The following CCS variants were observed in gnomAD, a reference collection of about 807,000 sequenced individuals.
CCS encodes the protein superoxide dismutase copper chaperone.
In CCS, 32 loss-of-function variants were observed where a neutral mutation model predicts 35.5. The ratio of observed to expected loss-of-function variants is 0.90; its 90% CI spans 0.68 to 1.21. The LOEUF (loss-of-function observed/expected upper bound fraction) is 1.21. CCS is among the 50% of genes most tolerant of loss of function. The pLI, the probability that CCS is intolerant of heterozygous loss-of-function variation, is 0.00. For missense variants in CCS, 342 were observed against 375.4 expected, an observed-to-expected ratio of 0.91 and a Z score of 0.73; for synonymous variants, 130 against 147.2, an observed-to-expected ratio of 0.88 and a Z score of 0.84.
intron 2 of CCS, among the ~76,000 whole-genome samples, chr11:66,594,818 G>A (rs1858447778): frequency 6.6e-6 from 1 of 151,908 alleles, no homozygotes; most frequent in African/African-American, 2.4e-5. Flanking sequence ...TCATTCGGCA[G>A]GTATGGACCA....
Position 66,593,195 on chromosome 11 carries a change from A to G in CCS, c.-67A>G. ...TGGCTTTAGAGGCTCAGTCCCCGCG[A>G]CGCCGCGCTGGTTGGTGCTCCTGCG... On this transcript the variant is annotated 5_prime_UTR_variant, in exon 1 of 8. Coordinates refer to ENST00000533244, the MANE Select transcript of CCS (RefSeq NM_005125.2). The G allele has an allele frequency of 1.9e-5, 29 of 1,529,094 alleles. No homozygotes were observed. The highest frequency in any genetic ancestry group is 2.5e-5 in the Non-Finnish European group (28 of 1,129,874). 94.7% of individuals were successfully genotyped at this position (1,529,094 alleles called of 1,614,324 possible).
At chr11:66,604,052 A>T (rs1143915) in intron 5 of CCS, among the ~76,000 whole-genome samples, 104,020 of 137,698 alleles carry the variant, frequency 0.76, 38,330 homozygotes, top group East Asian at 0.87. Context: ...ATAAATAAAT[A>T]AATTAATTAA....
chr11:66,599,528 A>C lies in CCS; in HGVS notation c.320A>C (p.Gln107Pro). Residue 107 changes from glutamine (Q) to proline (P), a missense_variant, in exon 4 of 8, where the codon CAG becomes CCG. Coordinates refer to ENST00000533244, the MANE Select transcript of CCS (RefSeq NM_005125.2). ...GTVQGVVRFL[Q>P]LTPERCLIEG... Reference sequence around the variant, plus strand: ...GTGCAGGGGGTGGTGCGCTTCCTACAGCTGACCCCTGAGCGCTGCCTCATC... The same window carrying C: ...GTGCAGGGGGTGGTGCGCTTCCTACCGCTGACCCCTGAGCGCTGCCTCATC... The C allele has an allele frequency of 6.3e-7, 1 of 1,594,576 alleles. No homozygotes were observed. Among genetic ancestry groups the C allele is most frequent in the Non-Finnish European group, 8.5e-7 (1 of 1,172,144 alleles).
Position 66,605,775 on chromosome 11 carries a change from C to T in CCS, c.745C>T (p.Leu249Phe). 1 of 1,608,240 alleles carries T rather than the reference C, an allele frequency of 6.2e-7. No homozygotes were observed. The highest frequency in any genetic ancestry group is 8.5e-7 in the Non-Finnish European group (1 of 1,176,912). ...CAAGCAGATCTGCTCTTGCGATGGC[C>T]TCACCATCTGGGAGGAGCGAGGCCG... ...NPKQICSCDG[L>F]TIWEERGRPI... Residue 249 changes from leucine (L) to phenylalanine (F), a missense_variant, in exon 8 of 8, where the codon CTC (leucine) becomes TTC (phenylalanine). By Grantham distance (22) the Leu-to-Phe change is conservative. Transcript: ENST00000533244.
intron 5 of CCS, among the ~76,000 whole-genome samples, 155 bp downstream of exon 5, chr11:66,600,704 A>G (rs1858559939): frequency 1.3e-5 from 2 of 152,134 alleles, no homozygotes; most frequent in South Asian, 2.1e-4. Flanking sequence ...ATTTGTTGAC[A>G]CTTTCTGTGA....
intron 5 of CCS, among the ~76,000 whole-genome samples, chr11:66,603,476 T>C (rs1438671720): frequency 2.0e-5 from 3 of 151,672 alleles, no homozygotes; most frequent in African/African-American, 7.3e-5. Flanking sequence ...TTTGGGAGGC[T>C]GAGGCGGATG....
chr11:66,594,741 C>A (rs1858444730), intron 2 of CCS, among the ~76,000 whole-genome samples: 1 of 149,778 alleles, frequency 6.7e-6, no homozygotes, highest in Non-Finnish European at 1.5e-5. Context: ...CTCCACTGCA[C>A]TCCAGGCTGG....
At chr11:66,597,281 AC>A (rs1256869934) in intron 2 of CCS, among the ~76,000 whole-genome samples, 1 of 151,630 alleles carries the variant, frequency 6.6e-6, no homozygotes, top group Non-Finnish European at 1.5e-5. Flanking sequence ...ACACGGTGAA[AC>A]CCTGTCTCTA....
At chr11:66,594,277 T>C (rs927431760) in intron 2 of CCS, among the ~76,000 whole-genome samples, 1 of 152,098 alleles carries the variant, frequency 6.6e-6, no homozygotes, top group Non-Finnish European at 1.5e-5. Flanking sequence ...GAGAATGGCG[T>C]GAACCCGGGA....
intron 5 of CCS, 28 bp from the exon 6 acceptor site, chr11:66,605,311 C>T: frequency 1.9e-6 from 3 of 1,613,814 alleles, no homozygotes; most frequent in Non-Finnish European, 2.5e-6. Context: ...GCACACATCC[C>T]CTATACACAC....
At chr11:66,599,791 G>C (rs951326429) in intron 4 of CCS, 155 bp downstream of exon 4, 1 of 712,818 alleles carries the variant, frequency 1.4e-6, no homozygotes, top group Non-Finnish European at 2.3e-6. Flanking sequence ...AAGGTCCACA[G>C]CAGGTAAAAG....
Position 66,605,344 on chromosome 11 carries a change from C to A in CCS, c.495C>A (p.Arg165=), listed in dbSNP as rs200121959. Residue 165 remains arginine, a synonymous_variant, in exon 6 of 8, where the codon CGC becomes CGA. Coordinates refer to ENST00000533244, the MANE Select transcript of CCS (RefSeq NM_005125.2). ...HGGPQDSDRH[R]GDLGNVRADA... Reference sequence around the variant, plus strand: ...CACACTGGATCTCATTCCAGCACCGCGGAGACCTGGGCAATGTCCGTGCTG... The same window carrying A: ...CACACTGGATCTCATTCCAGCACCGAGGAGACCTGGGCAATGTCCGTGCTG... The A allele has an allele frequency of 1.2e-6, 2 of 1,614,034 alleles. No individual in the cohort carries two copies. Among genetic ancestry groups the A allele is most frequent in the African/African-American group, 2.7e-5 (2 of 74,918 alleles).
At chr11:66,594,875 C>T (rs148359389) in intron 2 of CCS, among the ~76,000 whole-genome samples, 2 of 152,078 alleles carry the variant, frequency 1.3e-5, no homozygotes, top group South Asian at 2.1e-4. Flanking sequence ...GTATCAGGCA[C>T]ATCCCCTGCA....
chr11:66,598,581 A>C (rs1018914074), intron 2 of CCS, among the ~76,000 whole-genome samples: 1 of 150,674 alleles, frequency 6.6e-6, no homozygotes, highest in African/African-American at 2.4e-5. Context: ...GGATTTGCCT[A>C]TTCTAGATAT....
At chr11:66,594,239 G>C (rs1196553306) in intron 2 of CCS, among the ~76,000 whole-genome samples, 5 of 152,076 alleles carry the variant, frequency 3.3e-5, no homozygotes, top group Non-Finnish European at 7.4e-5. Flanking sequence ...GGCGCCTGTA[G>C]TCCCAGCTAC....
chr11:66,594,203 C>CA (rs1381592416), intron 2 of CCS, among the ~76,000 whole-genome samples: 1 of 151,800 alleles, frequency 6.6e-6, no homozygotes, highest in African/African-American at 2.4e-5. Flanking sequence ...CTAAAAAATA[C>CA]AAAAAATTAG....
rs369499388 is a variant in CCS, at chr11:66,600,336, C to G, written c.429-153C>G. On this transcript the variant is annotated intron_variant, in intron 4 of 7. Coordinates refer to ENST00000533244, the MANE Select transcript of CCS (RefSeq NM_005125.2). Reference sequence around the variant, plus strand: ...AGGACAGGACCCATGTCTGATTCTTCTCGGTGCCCTCTACCCAAAGCCCAG... The same window carrying G: ...AGGACAGGACCCATGTCTGATTCTTGTCGGTGCCCTCTACCCAAAGCCCAG... 3.6e-5 allele frequency: 16 copies of G among 445,574 alleles called. No homozygotes were observed. In the East Asian group the frequency reaches 5.2e-4, roughly 14 times the overall value. The allele number at this position is 445,574 out of a possible 1,614,324, so 27.6% of individuals were successfully genotyped here.
chr11:66,599,696 T>C (rs1199828770), intron 4 of CCS, 60 bp downstream of exon 4: 1 of 1,448,342 alleles, frequency 6.9e-7, no homozygotes, highest in Non-Finnish European at 9.5e-7. Flanking sequence ...CACTGGGCCC[T>C]CACCAATACT....
At chr11:66,603,703 A>G (rs1858606048) in intron 5 of CCS, among the ~76,000 whole-genome samples, 2 of 152,180 alleles carry the variant, frequency 1.3e-5, no homozygotes, top group Non-Finnish European at 2.9e-5. Context: ...AAAATTAGCC[A>G]GGCGTGGTGG....
Sources: allele counts gnomAD v4.1 joint callset (sites outside exome capture counted in the v4.1 genomes callset), GRCh38; gene constraint gnomAD v4.1.1; transcripts MANE v1.5; gene names NCBI Gene and HGNC (gene_info 2026-07-23, HGNC 2026-07-21).